The following CNTN5 variants were observed in gnomAD, a reference collection of about 807,000 sequenced individuals.
CNTN5 encodes contactin 5, also known as contactin-5.
CNTN5 carries 77 observed loss-of-function variants against 129.1 expected under a neutral mutation model. That is an observed-to-expected ratio of 0.60 (90% CI 0.50 to 0.72). The LOEUF (loss-of-function observed/expected upper bound fraction) is 0.72, where lower values mean the gene tolerates loss of function less well. Among genes scored for constraint, CNTN5 ranks in the 30% least tolerant of loss-of-function variants. The pLI, the probability that CNTN5 is intolerant of heterozygous loss-of-function variation, is 0.00. For synonymous variants in CNTN5, 509 were observed against 465.6 expected (o/e 1.09, Z -1.20); for missense variants, 1,478 against 1,328.8 (o/e 1.11, Z -1.75).
At chr11:99,122,932 A>G (rs1399952956) in intron 1 of CNTN5, among the ~76,000 whole-genome samples, 2 of 152,070 alleles carry the variant, frequency 1.3e-5, no homozygotes, top group African/African-American at 4.8e-5. Flanking sequence ...ATATTTTTTA[A>G]TGCAGTCTAC....
chr11:99,566,579 T>C (rs1472197973), intron 3 of CNTN5, among the ~76,000 whole-genome samples: 1 of 152,120 alleles, frequency 6.6e-6, no homozygotes. Context: ...AAAATATAGG[T>C]AAGAAATGAG....
intron 1 of CNTN5, among the ~76,000 whole-genome samples, chr11:99,094,760 C>G (rs941865930): frequency 6.6e-6 from 1 of 151,766 alleles, no homozygotes; most frequent in African/African-American, 2.4e-5. Flanking sequence ...TTTACCAACC[C>G]CGTCTCCTGT....
Position 99,191,598 on chromosome 11 carries a change from A to T in CNTN5, c.-209-133748A>T, listed in dbSNP as rs545886020. ...AATAAAATGTTACAATTTTATGAAG[A>T]TTGAAATTATATCAAGTATCTTTCC... On this transcript the variant is annotated intron_variant, in intron 1 of 24. Coordinates refer to ENST00000524871, the MANE Select transcript of CNTN5 (RefSeq NM_014361.4). 3.9e-5 allele frequency among the ~76,000 whole-genome samples: 6 copies of T among 152,018 alleles called. No homozygotes were observed. In the South Asian group the frequency reaches 1.2e-3, roughly 32 times the overall value.
intron 6 of CNTN5, among the ~76,000 whole-genome samples, chr11:99,915,759 T>A (rs1260239417): frequency 6.6e-6 from 1 of 152,124 alleles, no homozygotes; most frequent in Non-Finnish European, 1.5e-5. Context: ...GGAAATATTA[T>A]AAAAAATGAC....
intron 2 of CNTN5, among the ~76,000 whole-genome samples, chr11:99,346,081 G>A (rs542096525): frequency 1.2e-4 from 18 of 152,172 alleles, no homozygotes; most frequent in Non-Finnish European, 2.4e-4. Context: ...GTCCATAGGC[G>A]TAAATTCCTA....
At chr11:99,217,261 G>A (rs986885413) in intron 1 of CNTN5, among the ~76,000 whole-genome samples, 1 of 84,748 alleles carries the variant, frequency 1.2e-5, no homozygotes, top group Non-Finnish European at 2.3e-5. Context: ...GTAAAATATC[G>A]GCAAAAGATC....
At chr11:100,128,398 A>G (rs1023667174) in intron 13 of CNTN5, among the ~76,000 whole-genome samples, 1 of 152,124 alleles carries the variant, frequency 6.6e-6, no homozygotes, top group African/African-American at 2.4e-5. Flanking sequence ...GTTTATTTCA[A>G]GTTGCATAAT....
chr11:99,132,120 C>G (rs4313545), intron 1 of CNTN5, among the ~76,000 whole-genome samples: 1 of 152,052 alleles, frequency 6.6e-6, no homozygotes, highest in African/African-American at 2.4e-5. Context: ...AGCATAATTC[C>G]TCACATAAAC....
At chr11:99,689,756 T>C (rs1591483747) in intron 3 of CNTN5, among the ~76,000 whole-genome samples, 1 of 152,074 alleles carries the variant, frequency 6.6e-6, no homozygotes, top group South Asian at 2.1e-4. Flanking sequence ...TCATGTCCTT[T>C]GGCCACTTTT....
At chr11:100,282,780 A>G (rs1455415391) in intron 18 of CNTN5, among the ~76,000 whole-genome samples, 1 of 152,180 alleles carries the variant, frequency 6.6e-6, no homozygotes, top group Non-Finnish European at 1.5e-5. Flanking sequence ...ACTGCAGCTG[A>G]GTTGACACTC....
At chr11:99,849,405 C>G (rs549953682) in intron 6 of CNTN5, among the ~76,000 whole-genome samples, 1 of 151,910 alleles carries the variant, frequency 6.6e-6, no homozygotes, top group Admixed American at 6.6e-5. Context: ...TATACTGACA[C>G]TCCCTTAATG....
chr11:99,832,477 C>A (rs1000707678), intron 4 of CNTN5, among the ~76,000 whole-genome samples: 4 of 152,178 alleles, frequency 2.6e-5, no homozygotes, highest in Non-Finnish European at 4.4e-5. Flanking sequence ...TGCTACACTA[C>A]CCATGAAACA....
At chr11:99,707,254 A>G (rs1251772058) in intron 3 of CNTN5, among the ~76,000 whole-genome samples, 1 of 151,532 alleles carries the variant, frequency 6.6e-6, no homozygotes, top group African/African-American at 2.4e-5. Flanking sequence ...AACACTATTT[A>G]ATATTCCTCT....
chr11:100,187,594 G>C lies in CNTN5; in HGVS notation c.1581-3532G>C, dbSNP rs188976303. Among the ~76,000 whole-genome samples, 6 of 152,200 alleles carry C rather than the reference G, an allele frequency of 3.9e-5. No individual in the cohort carries two copies. In the East Asian group the frequency reaches 1.2e-3, roughly 29 times the overall value. On this transcript the variant is annotated intron_variant, in intron 13 of 24. Transcript: ENST00000524871. ...ACAGCATGGTACTAGTACAAAGACA[G>C]ACACATAGACCAATGGGACTGAATA...
intron 3 of CNTN5, among the ~76,000 whole-genome samples, chr11:99,560,263 T>G (rs1354468556): frequency 7.3e-6 from 1 of 136,232 alleles, no homozygotes; most frequent in Admixed American, 7.9e-5. Flanking sequence ...ACAAAGAATC[T>G]AACTGTATTA....
intron 8 of CNTN5, among the ~76,000 whole-genome samples, chr11:99,996,682 T>C (rs1002507864): frequency 1.2e-4 from 19 of 152,168 alleles, no homozygotes; most frequent in Non-Finnish European, 1.6e-4. Flanking sequence ...GGGTAACTTA[T>C]AAAGAAAACA....
chr11:100,209,951 A>T (rs1948992343), intron 15 of CNTN5, among the ~76,000 whole-genome samples: 1 of 152,192 alleles, frequency 6.6e-6, no homozygotes, highest in Non-Finnish European at 1.5e-5. Flanking sequence ...GAAAATATTT[A>T]TGAACCTGTA....
chr11:99,981,501 A>G (rs1938348087), intron 8 of CNTN5, among the ~76,000 whole-genome samples: 1 of 152,142 alleles, frequency 6.6e-6, no homozygotes, highest in South Asian at 2.1e-4. Context: ...TTTCCCACCT[A>G]GTCCACTCAG....
chr11:99,606,680 C>G lies in CNTN5; in HGVS notation c.55+50411C>G, dbSNP rs1197794710. Reference sequence around the variant, plus strand: ...AAAGATCAAAGCTGGAGACATCACACTACCTGACTTCAAACTATACTACAA... The same window carrying G: ...AAAGATCAAAGCTGGAGACATCACAGTACCTGACTTCAAACTATACTACAA... On this transcript the variant is annotated intron_variant, in intron 3 of 24. Transcript: ENST00000524871. 3.6e-5 allele frequency among the ~76,000 whole-genome samples: 5 copies of G among 137,310 alleles called. No individual in the cohort carries two copies. In the South Asian group the frequency reaches 1.2e-3, roughly 32 times the overall value. The allele number at this position is 137,310 out of a possible 152,430, so 90.1% of individuals were successfully genotyped here.
Sources: gnomAD v4.1 joint callset for allele counts (sites outside exome capture counted in the v4.1 genomes callset) on GRCh38, gnomAD v4.1.1 for gene constraint, MANE v1.5 for transcripts, NCBI Gene and HGNC (gene_info 2026-07-23, HGNC 2026-07-21) for gene names.